The following ATL1 variants were observed in gnomAD, a reference collection of about 807,000 sequenced individuals.
The protein encoded by ATL1 is atlastin GTPase 1, also known as atlastin-1.
A neutral mutation model predicts 75.5 loss-of-function variants in ATL1; 31 were observed. That is an observed-to-expected ratio of 0.41 (90% CI 0.31 to 0.55). ATL1 has a LOEUF of 0.55. ATL1 is among the 20% of genes least tolerant of loss of function. The probability of loss-of-function intolerance (pLI) is 0.27; values close to 1 mark genes in which losing one functional copy is unlikely to be tolerated. For missense variants in ATL1, 405 were observed against 662.6 expected (o/e 0.61, Z 4.27); for synonymous variants, 226 against 233.3 (o/e 0.97, Z 0.28).
At chr14:50,602,662 G>A (rs912302895) in intron 6 of ATL1, among the ~76,000 whole-genome samples, 4 of 152,056 alleles carry the variant, frequency 2.6e-5, no homozygotes, top group Non-Finnish European at 4.4e-5. Flanking sequence ...TAGTGGTCAC[G>A]AAGTTCCTGA....
chr14:50,582,089 T>C (rs2039060986), intron 1 of ATL1, among the ~76,000 whole-genome samples: 3 of 152,048 alleles, frequency 2.0e-5, no homozygotes, highest in African/African-American at 2.4e-5. Context: ...GAGACCAGCC[T>C]GGCCAACATG....
At chr14:50,595,204 T>C (rs777494845) in intron 5 of ATL1, among the ~76,000 whole-genome samples, 5 of 152,140 alleles carry the variant, frequency 3.3e-5, no homozygotes, top group Non-Finnish European at 5.9e-5. Context: ...AAGTTCTGCT[T>C]CTAAAGGTCA....
chr14:50,568,258 T>A (rs1566716838), intron 1 of ATL1, among the ~76,000 whole-genome samples: 2 of 152,194 alleles, frequency 1.3e-5, no homozygotes. Context: ...TAGCCAGGTA[T>A]GGTGGTATGC....
intron 6 of ATL1, among the ~76,000 whole-genome samples, chr14:50,602,053 C>T (rs1305637543): frequency 6.6e-6 from 1 of 152,218 alleles, no homozygotes; most frequent in Non-Finnish European, 1.5e-5. Flanking sequence ...GGGATGATCA[C>T]ATCCTTGGGG....
At chr14:50,627,534 T>C (rs1448820467) in intron 11 of ATL1, among the ~76,000 whole-genome samples, 3 of 152,216 alleles carry the variant, frequency 2.0e-5, no homozygotes, top group Non-Finnish European at 4.4e-5. Flanking sequence ...AAATACTCAA[T>C]TGGCTCCATT....
chr14:50,543,035 CTG>C (rs929995005), intron 1 of ATL1, among the ~76,000 whole-genome samples: 1 of 152,198 alleles, frequency 6.6e-6, no homozygotes, highest in Non-Finnish European at 1.5e-5. Flanking sequence ...GTGAAAATAA[CTG>C]TGAACTACAA....
At chr14:50,549,580 G>T (rs576541967) in intron 1 of ATL1, among the ~76,000 whole-genome samples, 73 of 152,284 alleles carry the variant, frequency 4.8e-4, no homozygotes, top group African/African-American at 1.6e-3. Context: ...AATAAAACAT[G>T]CCACCCAGCT....
At chr14:50,617,056 T>C (rs1183278429) in intron 8 of ATL1, among the ~76,000 whole-genome samples, 1 of 152,228 alleles carries the variant, frequency 6.6e-6, no homozygotes, top group Non-Finnish European at 1.5e-5. Context: ...TAGTTTCTCA[T>C]ATACTCTTTC....
At chr14:50,619,637 G>T (rs2039448178) in intron 8 of ATL1, among the ~76,000 whole-genome samples, 1 of 152,166 alleles carries the variant, frequency 6.6e-6, no homozygotes, top group Admixed American at 6.5e-5. Flanking sequence ...TACAGCTTGG[G>T]TTATGTGTAA....
intron 1 of ATL1, among the ~76,000 whole-genome samples, chr14:50,579,808 G>C (rs7154131): frequency 0.51 from 77,822 of 151,894 alleles, 20,602 homozygotes; most frequent in East Asian, 0.74. Context: ...TGAGACTAAA[G>C]TGGGCCATGG....
upstream of ATL1, among the ~76,000 whole-genome samples, chr14:50,557,239 T>C (rs1289833626): frequency 6.6e-6 from 1 of 152,164 alleles, no homozygotes; most frequent in African/African-American, 2.4e-5. Context: ...AGACTCAGAG[T>C]TATATAAAAG....
chr14:50,545,786 A>G (rs1372635881), intron 1 of ATL1, among the ~76,000 whole-genome samples: 1 of 152,196 alleles, frequency 6.6e-6, no homozygotes, highest in Admixed American at 6.5e-5. Flanking sequence ...GTTTCCAAAA[A>G]CATGGGGAAG....
At chr14:50,549,286 A>C (rs2038673180) in intron 1 of ATL1, among the ~76,000 whole-genome samples, 1 of 152,230 alleles carries the variant, frequency 6.6e-6, no homozygotes, top group Non-Finnish European at 1.5e-5. Flanking sequence ...CCATATAGGT[A>C]CATCATAAGA....
chr14:50,537,079 C>T (rs2038502758), intron 1 of ATL1, among the ~76,000 whole-genome samples: 1 of 152,228 alleles, frequency 6.6e-6, no homozygotes, highest in African/African-American at 2.4e-5. Flanking sequence ...ACCTTCCCAT[C>T]ACAGGCCAGG....
Position 50,574,941 on chromosome 14 carries a change from A to ATATATG in ATL1, c.35-12885_35-12884insGTATAT, listed in dbSNP as rs2038990539. ...TGTGTGTGTGTGTGTGTGTGTGTAT[A>ATATATG]TATATATATATATATATATATATAT... On this transcript the variant is annotated intron_variant, in intron 1 of 13. Transcript: ENST00000358385. Among the ~76,000 whole-genome samples, 3 of 75,808 alleles carry ATATATG rather than the reference A, an allele frequency of 4.0e-5. No homozygotes were observed. In the East Asian group the frequency reaches 1.5e-3, roughly 39 times the overall value. The allele number at this position is 75,808 out of a possible 152,430, so 49.7% of individuals were successfully genotyped here. A position where few individuals can be genotyped will look rare whatever the true frequency, so the allele number is the denominator to read the frequency against.
At chr14:50,617,399 G>A (rs1219938481) in intron 8 of ATL1, among the ~76,000 whole-genome samples, 3 of 152,010 alleles carry the variant, frequency 2.0e-5, no homozygotes, top group Non-Finnish European at 4.4e-5. Context: ...GTTGCTCTGC[G>A]TTATAGTACC....
chr14:50,550,143 A>G (rs1253037968), intron 1 of ATL1, among the ~76,000 whole-genome samples: 2 of 152,200 alleles, frequency 1.3e-5, no homozygotes, highest in Non-Finnish European at 2.9e-5. Context: ...CAACATCAGC[A>G]GCACTGATGC....
intron 1 of ATL1, among the ~76,000 whole-genome samples, chr14:50,587,183 G>A (rs190836901): frequency 6.6e-6 from 1 of 152,262 alleles, no homozygotes; most frequent in Non-Finnish European, 1.5e-5. Context: ...GATAAAGAAA[G>A]TGTGAACTAC....
At chr14:50,560,454 G>A (rs1172197077) in intron 1 of ATL1, 155 bp downstream of exon 1, 10 of 1,038,420 alleles carry the variant, frequency 9.6e-6, no homozygotes, top group African/African-American at 1.6e-5. Flanking sequence ...TTTGGGCGGA[G>A]GAACCATGGC....
Sources: gnomAD v4.1 joint callset for allele counts (sites outside exome capture counted in the v4.1 genomes callset) on GRCh38, gnomAD v4.1.1 for gene constraint, MANE v1.5 for transcripts, NCBI Gene and HGNC (gene_info 2026-07-23, HGNC 2026-07-21) for gene names.